NDUFS2: variants seen among roughly 807,000 people sequenced by gnomAD.
NDUFS2 encodes NADH dehydrogenase [ubiquinone] iron-sulfur protein 2, mitochondrial.
A neutral mutation model predicts 69.6 loss-of-function variants in NDUFS2; 38 were observed. The observed-to-expected ratio is 0.55, with a 90% CI of 0.42 to 0.72. The LOEUF (loss-of-function observed/expected upper bound fraction) is 0.72, where lower values mean the gene tolerates loss of function less well. Ranked by LOEUF, NDUFS2 falls within the 30% of genes least tolerant of loss-of-function variation. The probability of loss-of-function intolerance (pLI) is 0.00; values close to 1 mark genes in which losing one functional copy is unlikely to be tolerated. For synonymous variants in NDUFS2, 194 were observed against 211.2 expected, an observed-to-expected ratio of 0.92 and a Z score of 0.70; for missense variants, 468 against 595.0, an observed-to-expected ratio of 0.79 and a Z score of 2.22.
chr1:161,209,100 A>G (rs559512427), intron 3 of NDUFS2, 93 bp from the exon 4 acceptor site: 322 of 1,566,456 alleles, frequency 2.1e-4, no homozygotes, highest in Admixed American at 4.2e-4. Flanking sequence ...TACAGCACCA[A>G]CTTCTGGTGC....
Position 161,209,938 on chromosome 1 carries a change from A to G in NDUFS2, c.702+7A>G, listed in dbSNP as rs1055988118. ...GCCAGGAGGAGTGCACCAGGTGAGC[A>G]GGTCCCCGGCTTCCCCAAATGTCCA... On this transcript the variant is annotated splice_region_variant and intron_variant, in intron 6 of 13. Transcript: ENST00000676972. 1 of 1,613,960 alleles carries G rather than the reference A, an allele frequency of 6.2e-7. No homozygotes were observed. Among genetic ancestry groups the G allele is most frequent in the Non-Finnish European group, 8.5e-7 (1 of 1,179,966 alleles).
intron 9 of NDUFS2, among the ~76,000 whole-genome samples, chr1:161,211,683 C>T (rs1272618100): frequency 2.0e-5 from 3 of 151,762 alleles, no homozygotes; most frequent in Non-Finnish European, 4.4e-5. Flanking sequence ...AAAACAAATT[C>T]TCCTCCTGTT....
At chr1:161,203,249 T>A (rs892825174) in intron 1 of NDUFS2, among the ~76,000 whole-genome samples, 188 bp from the exon 2 acceptor site, 2 of 152,080 alleles carry the variant, frequency 1.3e-5, no homozygotes, top group Non-Finnish European at 2.9e-5. Flanking sequence ...GAGGTTTCAG[T>A]GAGTCGAAAT....
At chr1:161,201,784 G>A (rs1665137957), upstream of NDUFS2, among the ~76,000 whole-genome samples, 3 of 152,288 alleles carry the variant, frequency 2.0e-5, no homozygotes, top group South Asian at 6.2e-4. Flanking sequence ...CACCACCAAT[G>A]CCGGCGGCCT....
intron 1 of NDUFS2, among the ~76,000 whole-genome samples, 182 bp from the exon 2 acceptor site, chr1:161,203,255 G>A (rs1437141953): frequency 6.6e-6 from 1 of 152,026 alleles, no homozygotes; most frequent in Non-Finnish European, 1.5e-5. Flanking sequence ...TCAGTGAGTC[G>A]AAATCACACC....
intron 3 of NDUFS2, among the ~76,000 whole-genome samples, chr1:161,208,969 A>G (rs1047411018): frequency 1.3e-5 from 2 of 152,242 alleles, no homozygotes; most frequent in African/African-American, 2.4e-5. Flanking sequence ...ATTGGCAAAC[A>G]TGACAAATCA....
upstream of NDUFS2, chr1:161,198,697 G>A: frequency 7.3e-7 from 1 of 1,375,036 alleles, no homozygotes; most frequent in Non-Finnish European, 9.6e-7. This position sits in a 1 kb window ranked among gnomAD's most constrained non-coding sequence, Gnocchi z 4.7. Context: ...CCTAGCTTTG[G>A]AAAGCTCCTC....
At chr1:161,210,833 C>G in intron 9 of NDUFS2, 123 bp downstream of exon 9, 1 of 1,441,954 alleles carries the variant, frequency 6.9e-7, no homozygotes, top group Admixed American at 1.8e-5. Flanking sequence ...GTGTGTTAGA[C>G]GAGGTTGCTC....
rs886045469 is a variant in NDUFS2 at position 161,214,380 on chromosome 1, G to A, written c.*187G>A. On this transcript the variant is annotated 3_prime_UTR_variant, in exon 14 of 14. Coordinates refer to ENST00000676972, the MANE Select transcript of NDUFS2 (RefSeq NM_001377299.1). The stretch of plus-strand genomic sequence containing the variant: ...AATTATAATAAATTAGCCGTCTTGC[G>A]GCCCCTAGGCCTAAACTTCTGGTAT... 9 of 643,812 alleles carry A rather than the reference G, an allele frequency of 1.4e-5. No homozygotes were observed. The highest frequency in any genetic ancestry group is 4.2e-4 in the Middle Eastern group (1 of 2,366). The allele number at this position is 643,812 out of a possible 1,614,324, so 39.9% of individuals were successfully genotyped here. A position where few individuals can be genotyped will look rare whatever the true frequency, so the allele number is the denominator to read the frequency against.
chr1:161,207,976 ATT>A (rs965466967), intron 3 of NDUFS2, among the ~76,000 whole-genome samples: 5 of 88,780 alleles, frequency 5.6e-5, no homozygotes, highest in African/African-American at 1.8e-4. Context: ...TGCCTGGCTA[ATT>A]TTTTTTTTTT....
chr1:161,209,061 G>T, intron 3 of NDUFS2, 132 bp from the exon 4 acceptor site: 2 of 1,217,574 alleles, frequency 1.6e-6, no homozygotes, highest in Non-Finnish European at 2.4e-6. Context: ...TACCTGCCTT[G>T]TTGGGGCTCC....
intron 2 of NDUFS2, among the ~76,000 whole-genome samples, chr1:161,204,596 C>G (rs1199891527): frequency 1.3e-5 from 2 of 152,198 alleles, no homozygotes; most frequent in African/African-American, 2.4e-5. Context: ...TATTCATACT[C>G]TTGCTCCAAA....
At chr1:161,197,972 A>C (rs767274618), upstream of NDUFS2, 6 of 1,537,898 alleles carry the variant, frequency 3.9e-6, no homozygotes, top group Admixed American at 1.2e-4. Context: ...ACACCGCAGG[A>C]CACAGACTCC....
upstream of NDUFS2, chr1:161,198,050 A>C (rs1664932003): frequency 6.2e-7 from 1 of 1,603,308 alleles, no homozygotes. The surrounding 1 kb of genome is among the most constrained non-coding windows in gnomAD (Gnocchi z 4.7). Context: ...GACGTTGCAC[A>C]TGGGACCTTG....
upstream of NDUFS2, chr1:161,198,752 G>A (rs758044076): frequency 5.6e-5 from 49 of 877,650 alleles, no homozygotes; most frequent in Non-Finnish European, 7.9e-5. This position sits in a 1 kb window ranked among gnomAD's most constrained non-coding sequence, Gnocchi z 4.7. Context: ...CAGAGGCAAA[G>A]TTTTCAGAAG....
chr1:161,213,306 T>C (rs2102056479), intron 10 of NDUFS2, 74 bp from the exon 11 acceptor site: 5 of 953,794 alleles, frequency 5.2e-6, no homozygotes, highest in South Asian at 4.1e-5. Context: ...TAGAGATTAT[T>C]TTCTGTGCTG....
intron 7 of NDUFS2, 45 bp from the exon 8 acceptor site, chr1:161,210,259 G>T (rs1376789256): frequency 6.2e-7 from 1 of 1,609,804 alleles, no homozygotes; most frequent in Admixed American, 1.7e-5. Context: ...GATATTTGAA[G>T]AGTGTGAGGA....
In NDUFS2 at chr1:161,213,394, A is replaced by T; in HGVS notation, c.1131A>T (p.Ser377=). ...CCTCTCTTCAGACTTCCATGGAGTCACTGATTCATCACTTTAAGTTGTATA... is the reference window on the plus strand; with the variant it reads ...CCTCTCTTCAGACTTCCATGGAGTCTCTGATTCATCACTTTAAGTTGTATA... ...KRAEMKTSME[S]LIHHFKLYTE... The change falls in exon 11 of 14, where the codon TCA becomes TCT. Residue 377 remains serine, a synonymous_variant. Coordinates refer to ENST00000676972, the MANE Select transcript of NDUFS2 (RefSeq NM_001377299.1). The T allele has an allele frequency of 6.2e-7, 1 of 1,609,790 alleles. No homozygotes were observed. The highest frequency in any genetic ancestry group is 1.1e-5 in the South Asian group (1 of 90,384).
At chr1:161,211,509 G>C (rs1001046124) in intron 9 of NDUFS2, among the ~76,000 whole-genome samples, 1 of 152,152 alleles carries the variant, frequency 6.6e-6, no homozygotes, top group African/African-American at 2.4e-5. Flanking sequence ...AATTAGCTGG[G>C]TGTGGTGGTA....
Sources: gnomAD v4.1 joint callset for allele counts (sites outside exome capture counted in the v4.1 genomes callset) on GRCh38, gnomAD v4.1.1 for gene constraint, Gnocchi (gnomAD v3.1) non-coding constraint, MANE v1.5 for transcripts, NCBI Gene and HGNC (gene_info 2026-07-23, HGNC 2026-07-21) for gene names.